MSI2: variants seen among roughly 807,000 people sequenced by gnomAD.
MSI2 encodes the protein musashi RNA binding protein 2.
MSI2 carries 17 observed loss-of-function variants against 45.6 expected under a neutral mutation model. The ratio of observed to expected loss-of-function variants is 0.37; its 90% CI spans 0.26 to 0.56. The LOEUF (loss-of-function observed/expected upper bound fraction) is 0.56, where lower values mean the gene tolerates loss of function less well. Among genes scored for constraint, MSI2 ranks in the 20% least tolerant of loss-of-function variants. The probability of loss-of-function intolerance (pLI) is 0.77; values close to 1 mark genes in which losing one functional copy is unlikely to be tolerated. For synonymous variants in MSI2, 156 were observed against 158.2 expected (o/e 0.99, Z 0.11); for missense variants, 293 against 444.2 (o/e 0.66, Z 3.06).
intron 5 of MSI2, among the ~76,000 whole-genome samples, chr17:57,331,039 G>A (rs1227082883): frequency 1.3e-5 from 2 of 151,766 alleles, no homozygotes; most frequent in South Asian, 2.1e-4. Flanking sequence ...TCAGCCTCCC[G>A]AGTAGCTGGG....
At chr17:57,321,079 A>G (rs1598115913) in intron 5 of MSI2, among the ~76,000 whole-genome samples, 2 of 150,886 alleles carry the variant, frequency 1.3e-5, no homozygotes, top group Admixed American at 1.3e-4. Context: ...ACTCTGGGCT[A>G]TAATTGGCGG....
At chr17:57,353,439 A>C (rs933635864) in intron 5 of MSI2, among the ~76,000 whole-genome samples, 1 of 152,202 alleles carries the variant, frequency 6.6e-6, no homozygotes, top group African/African-American at 2.4e-5. Context: ...CACAAGGCTA[A>C]AGATGGACTT....
At chr17:57,399,360 A>T (rs1598216418) in intron 5 of MSI2, among the ~76,000 whole-genome samples, 1 of 152,250 alleles carries the variant, frequency 6.6e-6, no homozygotes, top group East Asian at 1.9e-4. Context: ...AGTAGGTGGT[A>T]TACTGAGTTG....
At chr17:57,358,206 T>TGG (rs1422488977) in intron 5 of MSI2, among the ~76,000 whole-genome samples, 64 of 146,236 alleles carry the variant, frequency 4.4e-4, no homozygotes, top group Middle Eastern at 3.5e-3. Flanking sequence ...TGTGGGGGGG[T>TGG]GTGTGTGTGT....
chr17:57,610,227 A>C (rs11653151), intron 8 of MSI2, among the ~76,000 whole-genome samples: 101,858 of 151,970 alleles, frequency 0.67, 34,540 homozygotes, highest in African/African-American at 0.77. Flanking sequence ...CTGAGGCGGG[A>C]AGATCACGAG....
At chr17:57,526,948 C>T (rs921247884) in intron 6 of MSI2, among the ~76,000 whole-genome samples, 11 of 152,240 alleles carry the variant, frequency 7.2e-5, no homozygotes, top group Non-Finnish European at 1.3e-4. Context: ...TCCTCCCCCA[C>T]GCTCACCAGG....
chr17:57,661,288 G>GT (rs1466438080), intron 11 of MSI2, among the ~76,000 whole-genome samples: 2 of 152,040 alleles, frequency 1.3e-5, no homozygotes, highest in Non-Finnish European at 2.9e-5. Flanking sequence ...TTCCTACAAG[G>GT]TCAGAGAGTA....
intron 5 of MSI2, among the ~76,000 whole-genome samples, chr17:57,338,854 C>A (rs1914897443): frequency 6.6e-6 from 1 of 152,156 alleles, no homozygotes; most frequent in Non-Finnish European, 1.5e-5. Context: ...GGGAAGGGCC[C>A]CACCCCTGAG....
At chr17:57,485,666 T>C (rs1388696746) in intron 6 of MSI2, among the ~76,000 whole-genome samples, 1 of 152,236 alleles carries the variant, frequency 6.6e-6, no homozygotes, top group Non-Finnish European at 1.5e-5. Context: ...TCCTGAATCT[T>C]GATCTGCATG....
At chr17:57,512,985 T>TTTTTTTC (rs3059048) in intron 6 of MSI2, among the ~76,000 whole-genome samples, 3 of 141,946 alleles carry the variant, frequency 2.1e-5, no homozygotes, top group Non-Finnish European at 3.1e-5. Flanking sequence ...TTTTTTTTTT[T>TTTTTTTC]CCTTCTGAGA....
intron 5 of MSI2, among the ~76,000 whole-genome samples, chr17:57,288,410 AG>A (rs781747332): frequency 1.3e-5 from 2 of 152,266 alleles, no homozygotes; most frequent in Non-Finnish European, 2.9e-5. Flanking sequence ...AGGCCCTGAA[AG>A]GTTAGTTGTA....
intron 6 of MSI2, among the ~76,000 whole-genome samples, chr17:57,472,492 T>G (rs74471547): frequency 6.3e-5 from 6 of 95,494 alleles, no homozygotes; most frequent in African/African-American, 6.9e-5. Flanking sequence ...GACCCCTAAT[T>G]GAAGGTGATG....
At position 57,679,910 on chromosome 17, in the gene MSI2, A is replaced by G. The variant is rs1214617861; in HGVS notation, c.*393A>G. The G allele has an allele frequency of 4.4e-6, 1 of 229,868 alleles. No homozygotes were observed. The highest frequency in any genetic ancestry group is 8.6e-6 in the Non-Finnish European group (1 of 116,136). 14.2% of individuals were successfully genotyped at this position (229,868 alleles called of 1,614,324 possible). A position where few individuals can be genotyped will look rare whatever the true frequency, so the allele number is the denominator to read the frequency against. On this transcript the variant is annotated 3_prime_UTR_variant, in exon 14 of 14. Transcript: ENST00000284073. ...TTTAATATCTAGTTCAAAGCTAACC[A>G]TAGTATAATTGTTATATTAAGGAGT... is the stretch of plus-strand genomic sequence containing the variant.
At chr17:57,289,511 G>C (rs1311893483) in intron 5 of MSI2, among the ~76,000 whole-genome samples, 3 of 152,044 alleles carry the variant, frequency 2.0e-5, no homozygotes, top group African/African-American at 7.2e-5. Context: ...TGCTTGCCAG[G>C]ACTCTGCCGT....
intron 5 of MSI2, among the ~76,000 whole-genome samples, chr17:57,293,104 A>G (rs1910568466): frequency 6.6e-6 from 1 of 151,716 alleles, no homozygotes; most frequent in South Asian, 2.1e-4. Context: ...GCATTGGCTC[A>G]TTAAGGTTAA....
At chr17:57,614,153 C>A (rs1490956134) in intron 8 of MSI2, among the ~76,000 whole-genome samples, 1 of 152,102 alleles carries the variant, frequency 6.6e-6, no homozygotes, top group African/African-American at 2.4e-5. Context: ...CGGGTTCAAG[C>A]GATTCTTCTG....
chr17:57,659,737 T>TAATAA (rs566107413), intron 11 of MSI2, among the ~76,000 whole-genome samples: 10 of 151,858 alleles, frequency 6.6e-5, no homozygotes, highest in African/African-American at 2.4e-4. Context: ...GTAGGAAAAA[T>TAATAA]AATAAAATAA....
intron 11 of MSI2, among the ~76,000 whole-genome samples, chr17:57,660,108 G>A (rs1408531243): frequency 6.6e-6 from 1 of 152,204 alleles, no homozygotes; most frequent in African/African-American, 2.4e-5. Flanking sequence ...TGGGCTTCGT[G>A]CCTGGCTTGT....
At chr17:57,466,909 C>T (rs2085340584) in intron 6 of MSI2, among the ~76,000 whole-genome samples, 1 of 152,144 alleles carries the variant, frequency 6.6e-6, no homozygotes, top group Non-Finnish European at 1.5e-5. Flanking sequence ...AGTTCTGTGC[C>T]CCCTGCTCTT....
Sources: gnomAD v4.1 joint callset for allele counts (sites outside exome capture counted in the v4.1 genomes callset) on GRCh38, gnomAD v4.1.1 for gene constraint, MANE v1.5 for transcripts, NCBI Gene and HGNC (gene_info 2026-07-23, HGNC 2026-07-21) for gene names.